STK17A: variants seen among roughly 807,000 people sequenced by gnomAD.
STK17A encodes the protein serine/threonine-protein kinase 17A.
STK17A carries 26 observed loss-of-function variants against 43.7 expected under a neutral mutation model. The ratio of observed to expected loss-of-function variants is 0.60; its 90% confidence interval spans 0.44 to 0.83. The LOEUF is 0.83. STK17A is among the 40% of genes least tolerant of loss of function. The pLI is 0.00. For missense variants in STK17A, 476 were observed against 511.6 expected, an observed-to-expected ratio of 0.93 and a Z score of 0.67; for synonymous variants, 191 against 182.5, an observed-to-expected ratio of 1.05 and a Z score of -0.38.
intron 3 of STK17A, among the ~76,000 whole-genome samples, chr7:43,612,409 C>T (rs1487121841): frequency 6.6e-6 from 1 of 152,240 alleles, no homozygotes; most frequent in Non-Finnish European, 1.5e-5. Context: ...CTGCTGTCCT[C>T]TGTCTTCGAC....
At chr7:43,586,667 A>G (rs2082442462) in intron 1 of STK17A, among the ~76,000 whole-genome samples, 1 of 151,502 alleles carries the variant, frequency 6.6e-6, no homozygotes, top group African/African-American at 2.4e-5. Context: ...GAACTTAAAG[A>G]TAACACCAGT....
intron 4 of STK17A, among the ~76,000 whole-genome samples, chr7:43,621,484 C>A (rs2153012606): frequency 6.6e-6 from 1 of 152,236 alleles, no homozygotes; most frequent in East Asian, 1.9e-4. Context: ...TTAATGCTTT[C>A]TTTGTTGTTG....
At chr7:43,613,484 A>G (rs1427419006) in intron 3 of STK17A, among the ~76,000 whole-genome samples, 1 of 152,194 alleles carries the variant, frequency 6.6e-6, no homozygotes, top group Non-Finnish European at 1.5e-5. Context: ...CACTGATACC[A>G]TGGGACAACT....
chr7:43,611,228 A>G (rs1243912391), intron 3 of STK17A, among the ~76,000 whole-genome samples: 2 of 152,252 alleles, frequency 1.3e-5, no homozygotes, highest in Non-Finnish European at 2.9e-5. Context: ...TTTAAATACT[A>G]GTTTCCTACA....
chr7:43,608,197 G>A (rs987486550), intron 2 of STK17A, 59 bp from the exon 3 acceptor site: 89 of 1,496,188 alleles, frequency 5.9e-5, no homozygotes, highest in Non-Finnish European at 8.1e-5. Context: ...TGTAGTTTTG[G>A]TGTAAGTGTT....
intron 4 of STK17A, chr7:43,623,107 T>C (rs1216522310): frequency 6.5e-6 from 1 of 153,442 alleles, no homozygotes; most frequent in African/African-American, 2.4e-5. Context: ...GGTAGATGTT[T>C]TAAAAAGCTC....
chr7:43,601,971 C>G (rs530252323), intron 2 of STK17A, among the ~76,000 whole-genome samples: 57 of 152,182 alleles, frequency 3.7e-4, no homozygotes, highest in African/African-American at 1.4e-3. Context: ...CATGAGATAC[C>G]TAGCCTTTTC....
chr7:43,588,586 A>T (rs1223035647), intron 1 of STK17A, among the ~76,000 whole-genome samples: 1 of 151,458 alleles, frequency 6.6e-6, no homozygotes, highest in Non-Finnish European at 1.5e-5. Flanking sequence ...CACACCTGTA[A>T]TCCCAGCACT....
intron 2 of STK17A, among the ~76,000 whole-genome samples, chr7:43,601,174 T>C (rs984949599): frequency 6.6e-6 from 1 of 152,228 alleles, no homozygotes; most frequent in African/African-American, 2.4e-5. Context: ...TAAAAGTTTA[T>C]AGCGGGTGAA....
In STK17A at chr7:43,591,010, G is replaced by A. The variant is rs891334621; in HGVS notation, c.207-4891G>A. ...TGTGTAGAACAGCTCCAAGAAATCC[G>A]TTATTATCTTCTCTGACTCCTCCTT... is the stretch of plus-strand genomic sequence containing the variant. On this transcript the variant is annotated intron_variant, in intron 1 of 6. Transcript: ENST00000319357. Among the ~76,000 whole-genome samples, 8 of 151,368 alleles carry A rather than the reference G, an allele frequency of 5.3e-5. 1 individual carries two copies. Among genetic ancestry groups the A allele is most frequent in the African/African-American group, 1.9e-4 (8 of 41,324 alleles).
intron 1 of STK17A, among the ~76,000 whole-genome samples, chr7:43,594,056 A>C (rs577210111): frequency 5.9e-5 from 9 of 152,210 alleles, no homozygotes; most frequent in Non-Finnish European, 1.0e-4. Flanking sequence ...TAGTTGCTTC[A>C]GATTTGGTTG....
At chr7:43,619,313 G>GA (rs762713652) in intron 3 of STK17A, among the ~76,000 whole-genome samples, 27 of 152,180 alleles carry the variant, frequency 1.8e-4, no homozygotes, top group Non-Finnish European at 3.7e-4. Context: ...TGCATGCAAG[G>GA]AGATTCAGGA....
chr7:43,606,722 C>T (rs1443555858), intron 2 of STK17A, among the ~76,000 whole-genome samples: 1 of 151,946 alleles, frequency 6.6e-6, no homozygotes, highest in Non-Finnish European at 1.5e-5. Context: ...ATGCTTTTAA[C>T]ATCTCAGATT....
chr7:43,612,785 T>C (rs2082992936), intron 3 of STK17A, among the ~76,000 whole-genome samples: 1 of 152,106 alleles, frequency 6.6e-6, no homozygotes, highest in Non-Finnish European at 1.5e-5. Flanking sequence ...GCCAAATATC[T>C]TAAATAGAGC....
At chr7:43,615,470 C>A (rs1475965687) in intron 3 of STK17A, among the ~76,000 whole-genome samples, 5 of 151,320 alleles carry the variant, frequency 3.3e-5, no homozygotes, top group Non-Finnish European at 7.4e-5. Context: ...AGCCACTGCG[C>A]CCAGCCCTTT....
At chr7:43,588,652 C>G (rs2082459533) in intron 1 of STK17A, among the ~76,000 whole-genome samples, 1 of 151,212 alleles carries the variant, frequency 6.6e-6, no homozygotes, top group South Asian at 2.1e-4. Context: ...AGCAGCCTGG[C>G]CAACATGGTG....
chr7:43,588,109 A>G (rs1425343081), intron 1 of STK17A, among the ~76,000 whole-genome samples: 3 of 151,534 alleles, frequency 2.0e-5, no homozygotes, highest in Non-Finnish European at 4.4e-5. Flanking sequence ...GAGAATTTAC[A>G]CATTATGTAG....
At chr7:43,586,249 TCAAA>T (rs1375787461) in intron 1 of STK17A, among the ~76,000 whole-genome samples, 1 of 151,446 alleles carries the variant, frequency 6.6e-6, no homozygotes, top group Non-Finnish European at 1.5e-5. Context: ...AGTTAACTGT[TCAAA>T]CAAATCATTC....
intron 1 of STK17A, among the ~76,000 whole-genome samples, chr7:43,593,660 T>G (rs761155799): frequency 3.3e-5 from 5 of 152,182 alleles, no homozygotes; most frequent in Non-Finnish European, 7.4e-5. Flanking sequence ...TTTAATGTGT[T>G]TGTTTGCTGC....
Sources: allele counts gnomAD v4.1 joint callset (sites outside exome capture counted in the v4.1 genomes callset), GRCh38; gene constraint gnomAD v4.1.1; transcripts MANE v1.5; gene names NCBI Gene and HGNC (gene_info 2026-07-23, HGNC 2026-07-21).